The following NPEPL1 variants were observed in gnomAD, a reference collection of about 807,000 sequenced individuals.
The protein encoded by NPEPL1 is probable aminopeptidase NPEPL1.
A neutral mutation model predicts 52.4 loss-of-function variants in NPEPL1; 45 were observed. The observed-to-expected ratio is 0.86, with a 90% confidence interval of 0.68 to 1.10. The LOEUF (loss-of-function observed/expected upper bound fraction) is 1.10, where lower values mean the gene tolerates loss of function less well. Ranked by LOEUF, NPEPL1 falls within the 50% of genes least tolerant of loss-of-function variation. The pLI is 0.00. For synonymous variants in NPEPL1, 360 were observed against 314.7 expected (o/e 1.14, Z -1.52); for missense variants, 696 against 710.9 (o/e 0.98, Z 0.24).
chr20:58,712,715 T>G, intron 8 of NPEPL1, 136 bp downstream of exon 8: 2 of 725,690 alleles, frequency 2.8e-6, no homozygotes, highest in South Asian at 1.5e-5. Context: ...GCTCCTTGCT[T>G]CCCGGAGGGC....
At chr20:58,694,877 C>A (rs1289191977) in intron 3 of NPEPL1, among the ~76,000 whole-genome samples, 2 of 152,166 alleles carry the variant, frequency 1.3e-5, no homozygotes, top group Admixed American at 1.3e-4. Flanking sequence ...TAACCCTGCC[C>A]GTTTATGTGA....
upstream of NPEPL1, chr20:58,691,877 A>G (rs752469776): frequency 9.9e-6 from 11 of 1,116,706 alleles, no homozygotes; most frequent in South Asian, 6.6e-5. Context: ...AGCTTCCCCA[A>G]TGCATCGTCA....
intron 6 of NPEPL1, chr20:58,705,548 C>G (rs2123124297): frequency 2.2e-6 from 1 of 456,274 alleles, no homozygotes; most frequent in South Asian, 1.5e-5. Flanking sequence ...GGACTGTGGC[C>G]TGATACTCCA....
chr20:58,692,764 A>G (rs2084378489), upstream of NPEPL1: 2 of 953,074 alleles, frequency 2.1e-6, no homozygotes, highest in Non-Finnish European at 1.2e-6. This position sits in a 1 kb window ranked among gnomAD's most constrained non-coding sequence, Gnocchi z 5.7. Flanking sequence ...AGCAGCCCGG[A>G]GCGGCGGGGG....
In NPEPL1 at chr20:58,702,532, TTTTG is replaced by T. The variant is rs1406750329; in HGVS notation, c.822+1378_822+1381del. ...AATGACACTAATCATAAAAAGGGTT[TTTTG>T]TTTTTTTTTAATAGAAAAAACATGC... On this transcript the variant is annotated intron_variant, in intron 6 of 11. Transcript: ENST00000356091. Among the ~76,000 whole-genome samples, 6 of 152,206 alleles carry T rather than the reference TTTTG, an allele frequency of 3.9e-5. No individual in the cohort carries two copies. In the East Asian group the frequency reaches 1.2e-3, roughly 29 times the overall value.
Position 58,713,250 on chromosome 20 carries a change from A to T in NPEPL1, c.1002-170A>T. Reference sequence around the variant, plus strand: ...GGAAGCCCTTTGCTCCAGGCACTGCATTGCTGTAGGGACTGGGGGCATCCC... The same window carrying T: ...GGAAGCCCTTTGCTCCAGGCACTGCTTTGCTGTAGGGACTGGGGGCATCCC... On this transcript the variant is annotated intron_variant, in intron 8 of 11. Transcript: ENST00000356091. This position sits in a 1 kb window ranked among gnomAD's most constrained non-coding sequence, Gnocchi z 4.6. 4 of 773,186 alleles carry T rather than the reference A, an allele frequency of 5.2e-6. No individual in the cohort carries two copies. The highest frequency in any genetic ancestry group is 2.0e-6 in the Non-Finnish European group (1 of 501,072). The allele number at this position is 773,186 out of a possible 1,614,324, so 47.9% of individuals were successfully genotyped here. A position where few individuals can be genotyped will look rare whatever the true frequency, so the allele number is the denominator to read the frequency against.
At chr20:58,696,545 G>A (rs555100362) in intron 3 of NPEPL1, among the ~76,000 whole-genome samples, 1 of 152,194 alleles carries the variant, frequency 6.6e-6, no homozygotes, top group Non-Finnish European at 1.5e-5. Flanking sequence ...AGTCCCCATG[G>A]CCCCCGACCC....
chr20:58,704,043 C>T (rs2084689147), intron 6 of NPEPL1: 2 of 985,300 alleles, frequency 2.0e-6, no homozygotes, highest in South Asian at 9.4e-5. Flanking sequence ...GATTTGGGAT[C>T]AACCAGCAGG....
chr20:58,692,832 C>G lies in NPEPL1; in HGVS notation c.-69C>G. ...GGGCGGTGCCGAGGCCGGGCCGGAG[C>G]GGGGCGAAGGGGGCCGAGCGGCGGG... On this transcript the variant is annotated 5_prime_UTR_variant, in exon 1 of 12. Coordinates refer to ENST00000356091, the MANE Select transcript of NPEPL1 (RefSeq NM_024663.4). This position sits in a 1 kb window ranked among gnomAD's most constrained non-coding sequence, Gnocchi z 5.7. 1.0e-6 allele frequency: 1 copy of G among 977,444 alleles called. No homozygotes were observed. 60.5% of individuals were successfully genotyped at this position (977,444 alleles called of 1,614,324 possible). A position where few individuals can be genotyped will look rare whatever the true frequency, so the allele number is the denominator to read the frequency against.
At chr20:58,701,668 CGAGAA>C (rs976636186) in intron 6 of NPEPL1, among the ~76,000 whole-genome samples, 2 of 152,112 alleles carry the variant, frequency 1.3e-5, no homozygotes, top group African/African-American at 4.8e-5. Context: ...GGCTTTGTCC[CGAGAA>C]GAGAAGGGCA....
intron 6 of NPEPL1, among the ~76,000 whole-genome samples, chr20:58,702,760 G>A (rs561358459): frequency 6.6e-6 from 1 of 152,288 alleles, no homozygotes; most frequent in African/African-American, 2.4e-5. Flanking sequence ...ATTTTGAAGA[G>A]CTCCAATCTC....
chr20:58,705,681 A>T (rs1231770849), intron 6 of NPEPL1: 2 of 414,558 alleles, frequency 4.8e-6, no homozygotes, highest in Non-Finnish European at 9.9e-6. Flanking sequence ...TTGCACAATC[A>T]ATCAGTTGAG....
chr20:58,691,785 C>CAGAGG (rs2084353265), upstream of NPEPL1: 1 of 1,516,406 alleles, frequency 6.6e-7, no homozygotes, highest in Non-Finnish European at 8.8e-7. Flanking sequence ...ATGGAGGTAA[C>CAGAGG]AGAGGAGGGT....
upstream of NPEPL1, chr20:58,691,714 T>A: frequency 1.4e-6 from 1 of 722,240 alleles, no homozygotes; most frequent in Non-Finnish European, 2.2e-6. Context: ...TTTTTTTTTT[T>A]CATTTTTAGG....
intron 1 of NPEPL1, chr20:58,693,528 C>T (rs2084398327): frequency 2.1e-6 from 1 of 486,590 alleles, no homozygotes; most frequent in Admixed American, 3.9e-5. Context: ...GTGGCTTCAT[C>T]CCACCAGGGG....
At chr20:58,691,930 C>A, upstream of NPEPL1, 1 of 788,174 alleles carries the variant, frequency 1.3e-6, no homozygotes, top group Non-Finnish European at 2.2e-6. Context: ...GGACCCTCCG[C>A]CTCCACCATC....
intron 3 of NPEPL1, among the ~76,000 whole-genome samples, chr20:58,695,325 G>A (rs915532097): frequency 6.6e-6 from 1 of 152,272 alleles, no homozygotes; most frequent in East Asian, 1.9e-4. Flanking sequence ...TGAGTGGTGT[G>A]TGTGTGGTGT....
Position 58,715,263 on chromosome 20 carries a change from CTG to C in NPEPL1, c.1512_1513del (p.Cys504Ter). On this transcript the variant is annotated frameshift_variant, in exon 12 of 12. Coordinates refer to ENST00000356091, the MANE Select transcript of NPEPL1 (RefSeq NM_024663.4). LOFTEE classifies it high-confidence loss of function. ...PLLNLVSPLG[C>X]EVDVEEGDLG... ...TGCTGAACCTGGTGTCCCCACTGGGCTGTGAGGTGGATGTCGAGGAGGGGGAC... is the reference window on the plus strand; with the variant it reads ...TGCTGAACCTGGTGTCCCCACTGGGCTGAGGTGGATGTCGAGGAGGGGGAC... 2 of 1,611,242 alleles carry C rather than the reference CTG, an allele frequency of 1.2e-6. No individual in the cohort carries two copies. Among genetic ancestry groups the C allele is most frequent in the Non-Finnish European group, 1.7e-6 (2 of 1,179,342 alleles).
chr20:58,707,323 G>A (rs1049012076), intron 7 of NPEPL1, 123 bp downstream of exon 7: 2 of 921,122 alleles, frequency 2.2e-6, no homozygotes, highest in Non-Finnish European at 3.2e-6. Context: ...CCCAGCGGAT[G>A]CTTGTCCCCC....
Sources: gnomAD v4.1 joint callset for allele counts (sites outside exome capture counted in the v4.1 genomes callset) on GRCh38, gnomAD v4.1.1 for gene constraint, Gnocchi (gnomAD v3.1) non-coding constraint, MANE v1.5 for transcripts, NCBI Gene and HGNC (gene_info 2026-07-23, HGNC 2026-07-21) for gene names.